OR6C4: variants seen among roughly 807,000 people sequenced by gnomAD.
OR6C4 encodes olfactory receptor family 6 subfamily C member 4.
A neutral mutation model predicts 15.1 loss-of-function variants in OR6C4; 20 were observed. That is an observed-to-expected ratio of 1.32 (90% CI 0.93 to 1.92). OR6C4 has a LOEUF of 1.92. OR6C4 is among the 30% of genes most tolerant of loss of function. The pLI is 0.00. For synonymous variants in OR6C4, 179 were observed against 134.2 expected, an observed-to-expected ratio of 1.33 and a Z score of -2.31; for missense variants, 491 against 363.2, an observed-to-expected ratio of 1.35 and a Z score of -2.86.
rs750194566 is a variant in OR6C4, at chr12:55,551,842, A to G, written c.616A>G (p.Met206Val). 6.2e-7 allele frequency: 1 copy of G among 1,613,714 alleles called. No individual in the cohort carries two copies. Among genetic ancestry groups the G allele is most frequent in the Non-Finnish European group, 8.5e-7 (1 of 1,179,838 alleles). Residue 206 changes from methionine (M) to valine (V), a missense_variant, in exon 2 of 2, where the codon ATG becomes GTG. Transcript: ENST00000641569. Reference protein sequence around the residue: ...MVILLAVVTLMVTLVLVTLSY... With the variant: ...MVILLAVVTLVVTLVLVTLSY... The stretch of plus-strand genomic sequence containing the variant: ...CATCCTCTTGGCCGTTGTGACTCTC[A>G]TGGTTACTCTGGTGCTGGTGACACT...
In OR6C4 at chr12:55,552,079, C is replaced by T. The variant is rs754101043; in HGVS notation, c.853C>T (p.Pro285Ser). Residue 285 changes from proline (P) to serine (S), a missense_variant, in exon 2 of 2, where the codon CCC (proline) becomes TCC (serine). By Grantham distance (74) the Pro-to-Ser change is moderately conservative (BLOSUM62 -1). Coordinates refer to ENST00000641569, the MANE Select transcript of OR6C4 (RefSeq NM_001005494.2). The stretch of plus-strand genomic sequence containing the variant: ...TACTTCGGTTACTCCCTTACTGAAT[C>T]CCTTCATATATACTTTAAGAAATCA... Reference protein sequence around the residue: ...LITSVTPLLNPFIYTLRNQQV... With the variant: ...LITSVTPLLNSFIYTLRNQQV... The T allele has an allele frequency of 6.2e-7, 1 of 1,612,424 alleles. No individual in the cohort carries two copies. The highest frequency in any genetic ancestry group is 2.2e-5 in the East Asian group (1 of 44,818).
At position 55,551,364 on chromosome 12, in the gene OR6C4, C is replaced by T. The variant is rs761339870; in HGVS notation, c.138C>T (p.Leu46=). 7 of 1,613,784 alleles carry T rather than the reference C, an allele frequency of 4.3e-6. No homozygotes were observed. Among genetic ancestry groups the T allele is most frequent in the African/African-American group, 4.0e-5 (3 of 74,892 alleles). The change falls in exon 2 of 2, where the codon CTC becomes CTT. Residue 46 remains leucine, a synonymous_variant. Transcript: ENST00000641569. ...TAGGAAATCTGACTATTATCACCCTCACCTTACTAGACCCCCACCTCCAGA... is the reference window on the plus strand; with the variant it reads ...TAGGAAATCTGACTATTATCACCCTTACCTTACTAGACCCCCACCTCCAGA... The part of the protein sequence containing the change: ...SILGNLTIIT[L]TLLDPHLQTP...
At position 55,551,754 on chromosome 12, in the gene OR6C4, C is replaced by G; in HGVS notation, c.528C>G (p.Tyr176Ter). 1 of 1,613,930 alleles carries G rather than the reference C, an allele frequency of 6.2e-7. No homozygotes were observed. The highest frequency in any genetic ancestry group is 8.5e-7 in the Non-Finnish European group (1 of 1,179,904). Reference protein sequence around the residue: ...FCVSNILNHYYCDYGPLVELA... With the variant: ...FCVSNILNHY ...TCTCCAACATTCTGAATCACTATTA[C>G]TGTGACTATGGGCCTCTCGTGGAGC... The change falls in exon 2 of 2, where the codon TAC (tyrosine) becomes TAG (stop). Residue 176 changes from tyrosine (Y) to a stop codon, truncating the protein, a stop_gained. Transcript: ENST00000641569. LOFTEE classifies it high-confidence loss of function.
In OR6C4 at chr12:55,553,394, G is replaced by A. The variant is rs1422294695; in HGVS notation, c.*1238G>A. ...TGGGGTAAAAGTGGAACACAATCTG[G>A]TATTTTCACATGCTTTATATGTGGT... On this transcript the variant is annotated 3_prime_UTR_variant, in exon 2 of 2. Transcript: ENST00000641569. 6.6e-6 allele frequency: 1 copy of A among 151,970 alleles called. No individual in the cohort carries two copies. Among genetic ancestry groups the A allele is most frequent in the Non-Finnish European group, 1.5e-5 (1 of 67,968 alleles). 9.4% of individuals were successfully genotyped at this position (151,970 alleles called of 1,614,324 possible).
intron 1 of OR6C4, 121 bp downstream of exon 1, chr12:55,550,239 T>A (rs1403373964): frequency 6.6e-6 from 1 of 152,182 alleles, no homozygotes; most frequent in Admixed American, 6.6e-5. Flanking sequence ...CTAATCCATG[T>A]GCATGTAAAT....
At position 55,553,863 on chromosome 12, in the gene OR6C4, T is replaced by C. The variant is rs551976744; in HGVS notation, c.*1707T>C. 11 of 152,304 alleles carry C rather than the reference T, an allele frequency of 7.2e-5. No individual in the cohort carries two copies. In the South Asian group the frequency reaches 2.3e-3, roughly 32 times the overall value. The allele number at this position is 152,304 out of a possible 1,614,324, so 9.4% of individuals were successfully genotyped here. ...TCACCTCTGTCAACTCTAAAATGTT[T>C]ACAATAATAGTGTCTATCTTATAGT... On this transcript the variant is annotated 3_prime_UTR_variant, in exon 2 of 2. Coordinates refer to ENST00000641569, the MANE Select transcript of OR6C4 (RefSeq NM_001005494.2).
At position 55,551,847 on chromosome 12, in the gene OR6C4, T is replaced by TA; in HGVS notation, c.622dup (p.Thr208AsnfsTer52). The TA allele has an allele frequency of 1.2e-6, 2 of 1,613,888 alleles. No individual in the cohort carries two copies. Among genetic ancestry groups the TA allele is most frequent in the Non-Finnish European group, 1.7e-6 (2 of 1,179,918 alleles). ...TCTTGGCCGTTGTGACTCTCATGGT[T>TA]ACTCTGGTGCTGGTGACACTTTCTT... On this transcript the variant is annotated frameshift_variant, in exon 2 of 2. Transcript: ENST00000641569. LOFTEE classifies it high-confidence loss of function.
In OR6C4 at chr12:55,549,798, TGGA is replaced by T. The variant is rs1873807643; in HGVS notation, c.-338_-336del. 1 of 152,226 alleles carries T rather than the reference TGGA, an allele frequency of 6.6e-6. No individual in the cohort carries two copies. Among genetic ancestry groups the T allele is most frequent in the Admixed American group, 6.5e-5 (1 of 15,274 alleles). The allele number at this position is 152,226 out of a possible 1,614,324, so 9.4% of individuals were successfully genotyped here. On this transcript the variant is annotated 5_prime_UTR_variant, in exon 1 of 2. An upstream start codon of the reference 5' UTR is lost. Transcript: ENST00000641569. Reference sequence around the variant, plus strand: ...TTGATTCTGGATTGGATTCTTAGAATGGAAAATAATATGCTCTTTTTTCTGGTT... The same window carrying T: ...TTGATTCTGGATTGGATTCTTAGAATAAATAATATGCTCTTTTTTCTGGTT...
At chr12:55,550,581 A>G (rs1873827508) in intron 1 of OR6C4, among the ~76,000 whole-genome samples, 1 of 152,222 alleles carries the variant, frequency 6.6e-6, no homozygotes, top group African/African-American at 2.4e-5. Flanking sequence ...GCAGAGAAAC[A>G]TAAAATGTAA....
chr12:55,554,704 G>C lies in OR6C4; in HGVS notation c.*2548G>C, dbSNP rs1873970266. The C allele has an allele frequency of 6.6e-6, 1 of 152,132 alleles. No homozygotes were observed. Among genetic ancestry groups the C allele is most frequent in the Non-Finnish European group, 1.5e-5 (1 of 68,030 alleles). The allele number at this position is 152,132 out of a possible 1,614,324, so 9.4% of individuals were successfully genotyped here. A position where few individuals can be genotyped will look rare whatever the true frequency, so the allele number is the denominator to read the frequency against. On this transcript the variant is annotated 3_prime_UTR_variant, in exon 2 of 2. Coordinates refer to ENST00000641569, the MANE Select transcript of OR6C4 (RefSeq NM_001005494.2). ...GAGGAGACTATGAAAATGAGTAAAAGCCAATCTGCTACATTTGGGCATTCA... is the reference window on the plus strand; with the variant it reads ...GAGGAGACTATGAAAATGAGTAAAACCCAATCTGCTACATTTGGGCATTCA...
chr12:55,552,256 A>G lies in OR6C4; in HGVS notation c.*100A>G, dbSNP rs2135868189. On this transcript the variant is annotated 3_prime_UTR_variant, in exon 2 of 2. Transcript: ENST00000641569. Reference sequence around the variant, plus strand: ...TTGGCCCTTGAAGATTAAAATAGGAAAAGTATATGTCTTAATTTCAAGAAA... The same window carrying G: ...TTGGCCCTTGAAGATTAAAATAGGAGAAGTATATGTCTTAATTTCAAGAAA... 3 of 713,322 alleles carry G rather than the reference A, an allele frequency of 4.2e-6. No individual in the cohort carries two copies. Among genetic ancestry groups the G allele is most frequent in the South Asian group, 1.9e-5 (1 of 53,698 alleles). 44.2% of individuals were successfully genotyped at this position (713,322 alleles called of 1,614,324 possible). A position where few individuals can be genotyped will look rare whatever the true frequency, so the allele number is the denominator to read the frequency against.
At chr12:55,551,083 G>C (rs1016669926) in intron 1 of OR6C4, 126 bp from the exon 2 acceptor site, 28 of 627,042 alleles carry the variant, frequency 4.5e-5, no homozygotes, top group Middle Eastern at 3.9e-4. Context: ...CACCCCAATG[G>C]GACACTGGTT....
chr12:55,550,627 T>C (rs922284324), intron 1 of OR6C4, among the ~76,000 whole-genome samples: 1 of 152,180 alleles, frequency 6.6e-6, no homozygotes, highest in African/African-American at 2.4e-5. Flanking sequence ...ACCTTGTTCA[T>C]GTAGAGGAAA....
rs1470623876 is a variant in OR6C4 at position 55,553,359 on chromosome 12, T to C, written c.*1203T>C. 1 of 152,092 alleles carries C rather than the reference T, an allele frequency of 6.6e-6. No individual in the cohort carries two copies. Among genetic ancestry groups the C allele is most frequent in the Non-Finnish European group, 1.5e-5 (1 of 67,988 alleles). 9.4% of individuals were successfully genotyped at this position (152,092 alleles called of 1,614,324 possible). ...ATATCTTAAAAAATTGCAGGAGCTT[T>C]GTTACTATTTGGGGTAAAAGTGGAA... On this transcript the variant is annotated 3_prime_UTR_variant, in exon 2 of 2. Coordinates refer to ENST00000641569, the MANE Select transcript of OR6C4 (RefSeq NM_001005494.2).
At position 55,551,479 on chromosome 12, in the gene OR6C4, A is replaced by G; in HGVS notation, c.253A>G (p.Thr85Ala). Residue 85 changes from threonine (T) to alanine (A), a missense_variant, in exon 2 of 2, where the codon ACA (threonine) becomes GCA (alanine). Thr to Ala is a moderately conservative substitution (Grantham distance 58, BLOSUM62 0). Transcript: ENST00000641569. ...FIPRFLTSMTTGNKVISFAGC... is the reference protein window; with the variant it reads ...FIPRFLTSMTAGNKVISFAGC... ...TCCCAGATTTCTGACCAGCATGACA[A>G]CAGGAAATAAAGTTATCAGCTTTGC... is the stretch of plus-strand genomic sequence containing the variant. 1 of 1,613,846 alleles carries G rather than the reference A, an allele frequency of 6.2e-7. No homozygotes were observed. Among genetic ancestry groups the G allele is most frequent in the Non-Finnish European group, 8.5e-7 (1 of 1,179,916 alleles).
rs2135868980 is a variant in OR6C4, at chr12:55,553,590, GT to G, written c.*1436del. 6.6e-6 allele frequency: 1 copy of G among 152,096 alleles called. No individual in the cohort carries two copies. The highest frequency in any genetic ancestry group is 2.4e-5 in the African/African-American group (1 of 41,498). The allele number at this position is 152,096 out of a possible 1,614,324, so 9.4% of individuals were successfully genotyped here. A position where few individuals can be genotyped will look rare whatever the true frequency, so the allele number is the denominator to read the frequency against. On this transcript the variant is annotated 3_prime_UTR_variant, in exon 2 of 2. Coordinates refer to ENST00000641569, the MANE Select transcript of OR6C4 (RefSeq NM_001005494.2). ...TATTCTGAGTATCTTGTTTTCTTTG[GT>G]TGCTAGCTAGAGATTAGTGATAATA... is the stretch of plus-strand genomic sequence containing the variant.
chr12:55,555,806 A>G lies in OR6C4; in HGVS notation c.*3650A>G, dbSNP rs951339162. 2 of 152,216 alleles carry G rather than the reference A, an allele frequency of 1.3e-5. No individual in the cohort carries two copies. The highest frequency in any genetic ancestry group is 3.9e-4 in the East Asian group (2 of 5,172). The allele number at this position is 152,216 out of a possible 1,614,324, so 9.4% of individuals were successfully genotyped here. A position where few individuals can be genotyped will look rare whatever the true frequency, so the allele number is the denominator to read the frequency against. ...AAAACATAAAATAAAATAATAAAAA[A>G]TGTTGCTTCTTTTCATGGCTGAGTA... On this transcript the variant is annotated 3_prime_UTR_variant, in exon 2 of 2. Transcript: ENST00000641569.
intron 1 of OR6C4, among the ~76,000 whole-genome samples, chr12:55,550,552 C>T (rs1325113122): frequency 6.6e-6 from 1 of 152,070 alleles, no homozygotes; most frequent in Non-Finnish European, 1.5e-5. Flanking sequence ...AAATCAGTGC[C>T]TGGAAGACTC....
In OR6C4 at chr12:55,551,942, G is replaced by T; in HGVS notation, c.716G>T (p.Cys239Phe). 1 of 1,613,744 alleles carries T rather than the reference G, an allele frequency of 6.2e-7. No homozygotes were observed. Among genetic ancestry groups the T allele is most frequent in the Non-Finnish European group, 8.5e-7 (1 of 1,179,878 alleles). Residue 239 changes from cysteine to phenylalanine, a missense_variant, in exon 2 of 2, where the codon TGT becomes TTT. Transcript: ENST00000641569. The stretch of plus-strand genomic sequence containing the variant: ...CAAAGGACAAAGGCCTTTTCCACTT[G>T]TTCCTCCCACATGATTGTCATCTCC... ...AQQRTKAFST[C>F]SSHMIVISLS...
Sources: allele counts gnomAD v4.1 joint callset (sites outside exome capture counted in the v4.1 genomes callset), GRCh38; gene constraint gnomAD v4.1.1; transcripts MANE v1.5; gene names NCBI Gene and HGNC (gene_info 2026-07-23, HGNC 2026-07-21).